TSEN15: variants seen among roughly 807,000 people sequenced by gnomAD.
TSEN15 encodes the protein tRNA splicing endonuclease subunit 15.
A neutral mutation model predicts 20.5 loss-of-function variants in TSEN15; 10 were observed. The ratio of observed to expected loss-of-function variants is 0.49; its 90% CI spans 0.30 to 0.83. The LOEUF (loss-of-function observed/expected upper bound fraction) is 0.83, where lower values mean the gene tolerates loss of function less well. TSEN15 is among the 40% of genes least tolerant of loss of function. The pLI, the probability that TSEN15 is intolerant of heterozygous loss-of-function variation, is 0.06. For synonymous variants in TSEN15, 72 were observed against 80.1 expected, an observed-to-expected ratio of 0.90 and a Z score of 0.54; for missense variants, 180 against 218.6, an observed-to-expected ratio of 0.82 and a Z score of 1.11.
chr1:184,076,683 A>G (rs1651066759), downstream of TSEN15, among the ~76,000 whole-genome samples: 1 of 152,202 alleles, frequency 6.6e-6, no homozygotes, highest in Admixed American at 6.5e-5. Flanking sequence ...ATGGAAAGAA[A>G]TGAAAAGTGC....
chr1:184,064,290 G>A (rs537207507), intron 3 of TSEN15, among the ~76,000 whole-genome samples: 1 of 152,158 alleles, frequency 6.6e-6, no homozygotes, highest in South Asian at 2.1e-4. Flanking sequence ...AAGGAACAAG[G>A]ATGGGAATGG....
intron 3 of TSEN15, among the ~76,000 whole-genome samples, chr1:184,064,713 C>T (rs1381859939): frequency 6.6e-6 from 1 of 152,070 alleles, no homozygotes; most frequent in Non-Finnish European, 1.5e-5. Context: ...TTATTTGAGT[C>T]AGAATATTAG....
intron 1 of TSEN15, among the ~76,000 whole-genome samples, chr1:184,053,712 G>A (rs1650137083): frequency 6.6e-6 from 1 of 152,166 alleles, no homozygotes; most frequent in Non-Finnish European, 1.5e-5. Flanking sequence ...TCTGAAAGAA[G>A]CAGCTTTCTC....
chr1:184,086,726 A>T (rs1651268514), intron 3 of TSEN15, among the ~76,000 whole-genome samples: 1 of 152,110 alleles, frequency 6.6e-6, no homozygotes, highest in Non-Finnish European at 1.5e-5. Flanking sequence ...GAATGACCAG[A>T]GTGAGAGAGA....
At chr1:184,058,100 AT>A (rs1432144750) in intron 3 of TSEN15, 3 of 384,390 alleles carry the variant, frequency 7.8e-6, no homozygotes, top group Non-Finnish European at 1.0e-5. Context: ...TTTAATCAAA[AT>A]CATTTCATAA....
intron 3 of TSEN15, among the ~76,000 whole-genome samples, chr1:184,062,341 G>C (rs1650488268): frequency 6.6e-6 from 1 of 152,034 alleles, no homozygotes; most frequent in South Asian, 2.1e-4. Context: ...TGACTGTAGA[G>C]GTACAGTTTG....
Position 184,072,809 on chromosome 1 carries a change from G to A in TSEN15, c.496-18G>A, listed in dbSNP as rs773447994. ...TGTTTATCGGAGAAAAGTCCATCCT[G>A]ATCTTTTTTTTTTCCAGAATATTTC... On this transcript the variant is annotated intron_variant, in intron 4 of 4. Transcript: ENST00000645668. 1.9e-6 allele frequency: 3 copies of A among 1,597,078 alleles called. No individual in the cohort carries two copies. The highest frequency in any genetic ancestry group is 2.6e-6 in the Non-Finnish European group (3 of 1,173,642).
intron 3 of TSEN15, chr1:184,058,121 T>G: frequency 2.3e-6 from 1 of 427,256 alleles, no homozygotes; most frequent in Non-Finnish European, 4.6e-6. Context: ...AGTCTAGAAG[T>G]ACAAATTTGT....
chr1:184,090,275 T>C (rs2102904671), intron 3 of TSEN15, among the ~76,000 whole-genome samples: 1 of 152,294 alleles, frequency 6.6e-6, no homozygotes, highest in South Asian at 2.1e-4. Context: ...AAATTTAATC[T>C]ATAATGACAA....
chr1:184,052,332 C>T (rs1399519869), intron 1 of TSEN15, among the ~76,000 whole-genome samples: 1 of 152,176 alleles, frequency 6.6e-6, no homozygotes, highest in African/African-American at 2.4e-5. Flanking sequence ...GCCCAGAATG[C>T]ATCTTTATTT....
At chr1:184,058,281 G>A (rs1408076173) in intron 3 of TSEN15, 2 of 336,692 alleles carry the variant, frequency 5.9e-6, no homozygotes, top group African/African-American at 4.4e-5. Flanking sequence ...AACTGAGAGA[G>A]CTTAAATCTT....
chr1:184,087,967 G>A (rs1651293138), intron 3 of TSEN15, among the ~76,000 whole-genome samples: 1 of 152,176 alleles, frequency 6.6e-6, no homozygotes, highest in Non-Finnish European at 1.5e-5. Flanking sequence ...TAAATCTGGA[G>A]CTTAGGGGAG....
intron 1 of TSEN15, among the ~76,000 whole-genome samples, chr1:184,052,693 A>G (rs1198350040): frequency 6.6e-6 from 1 of 152,174 alleles, no homozygotes; most frequent in African/African-American, 2.4e-5. Context: ...AACCTTTTTC[A>G]GCTTCTCTTG....
chr1:184,075,897 T>C (rs576761356), downstream of TSEN15, among the ~76,000 whole-genome samples: 8 of 98,702 alleles, frequency 8.1e-5, no homozygotes, highest in African/African-American at 1.1e-4. Flanking sequence ...GGGTTTTATA[T>C]ATATATATAT....
At chr1:184,064,517 A>G (rs751289252) in intron 3 of TSEN15, among the ~76,000 whole-genome samples, 12 of 152,088 alleles carry the variant, frequency 7.9e-5, no homozygotes, top group Non-Finnish European at 1.3e-4. Flanking sequence ...AGGGGAGGAA[A>G]GGAGAGACAG....
chr1:184,084,048 A>G (rs529640948), intron 3 of TSEN15, among the ~76,000 whole-genome samples: 113 of 152,262 alleles, frequency 7.4e-4, no homozygotes, highest in African/African-American at 2.7e-3. Flanking sequence ...GACTTCAGAA[A>G]ACCAACAGTG....
At chr1:184,052,835 G>T (rs1415799653) in intron 1 of TSEN15, among the ~76,000 whole-genome samples, 2 of 152,128 alleles carry the variant, frequency 1.3e-5, no homozygotes, top group African/African-American at 2.4e-5. Flanking sequence ...TTGGTTAGGC[G>T]CATGAACTCA....
intron 3 of TSEN15, among the ~76,000 whole-genome samples, chr1:184,063,286 A>G (rs1210339652): frequency 6.6e-6 from 1 of 152,228 alleles, no homozygotes; most frequent in African/African-American, 2.4e-5. Context: ...TAGAAAAAAG[A>G]TGTAAACATT....
intron 3 of TSEN15, chr1:184,071,001 A>G (rs1403803746): frequency 6.3e-6 from 1 of 157,586 alleles, no homozygotes; most frequent in Non-Finnish European, 1.4e-5. Flanking sequence ...GGTATCTATA[A>G]ATATTATATC....
Sources: allele counts gnomAD v4.1 joint callset (sites outside exome capture counted in the v4.1 genomes callset), GRCh38; gene constraint gnomAD v4.1.1; transcripts MANE v1.5; gene names NCBI Gene and HGNC (gene_info 2026-07-23, HGNC 2026-07-21).